The following MBOAT1 variants were observed in gnomAD, a reference collection of about 807,000 sequenced individuals.
MBOAT1 encodes membrane bound glycerophospholipid O-acyltransferase 1.
MBOAT1 carries 67 observed loss-of-function variants against 64.4 expected under a neutral mutation model. The observed-to-expected ratio is 1.04, with a 90% CI of 0.85 to 1.27. MBOAT1 has a LOEUF of 1.27. Among genes scored for constraint, MBOAT1 ranks in the 50% most tolerant of loss-of-function variants. The pLI, the probability that MBOAT1 is intolerant of heterozygous loss-of-function variation, is 0.00. For synonymous variants in MBOAT1, 229 were observed against 218.9 expected, an observed-to-expected ratio of 1.05 and a Z score of -0.41; for missense variants, 563 against 604.6, an observed-to-expected ratio of 0.93 and a Z score of 0.72.
intron 1 of MBOAT1, among the ~76,000 whole-genome samples, chr6:20,155,410 TA>T (rs34919507): frequency 0.23 from 34,391 of 152,102 alleles, 4,418 homozygotes; most frequent in East Asian, 0.43. Context: ...ACGATTAACC[TA>T]AAAGTAATTG....
intron 1 of MBOAT1, among the ~76,000 whole-genome samples, chr6:20,200,817 G>A (rs1189352059): frequency 2.0e-5 from 3 of 152,102 alleles, no homozygotes; most frequent in African/African-American, 7.2e-5. Context: ...TAGGGTGACC[G>A]GTCCCCCACC....
intron 4 of MBOAT1, among the ~76,000 whole-genome samples, chr6:20,133,828 G>GC (rs1342638122): frequency 6.6e-6 from 1 of 152,130 alleles, no homozygotes; most frequent in Non-Finnish European, 1.5e-5. Context: ...ATGTGCTGTG[G>GC]CCGTAGAATG....
chr6:20,159,767 T>C (rs1367143702), intron 1 of MBOAT1, among the ~76,000 whole-genome samples: 2 of 152,204 alleles, frequency 1.3e-5, no homozygotes, highest in African/African-American at 4.8e-5. Context: ...CCTATAAACA[T>C]ATACATTATT....
intron 1 of MBOAT1, among the ~76,000 whole-genome samples, chr6:20,190,408 C>T (rs370734931): frequency 6.5e-4 from 99 of 152,316 alleles, no homozygotes; most frequent in Admixed American, 1.8e-3. Flanking sequence ...GAGAGAGTCA[C>T]GGCCAACATA....
intron 1 of MBOAT1, among the ~76,000 whole-genome samples, chr6:20,160,802 T>C (rs1761831192): frequency 6.6e-6 from 1 of 152,222 alleles, no homozygotes; most frequent in Non-Finnish European, 1.5e-5. Flanking sequence ...TGATTTACTT[T>C]ACACTTTCAA....
intron 12 of MBOAT1, among the ~76,000 whole-genome samples, chr6:20,106,237 G>C (rs1464905652): frequency 6.6e-6 from 1 of 152,162 alleles, no homozygotes; most frequent in Non-Finnish European, 1.5e-5. Context: ...ACTGTTTGAG[G>C]TGTAATCAAT....
chr6:20,102,829 C>T (rs931007637), intron 12 of MBOAT1, among the ~76,000 whole-genome samples: 20 of 152,002 alleles, frequency 1.3e-4, no homozygotes, highest in African/African-American at 4.8e-4. Flanking sequence ...TGATGATGGC[C>T]CCATAAGATT....
At chr6:20,140,530 C>A (rs1462500325) in intron 4 of MBOAT1, among the ~76,000 whole-genome samples, 1 of 152,230 alleles carries the variant, frequency 6.6e-6, no homozygotes, top group Non-Finnish European at 1.5e-5. Flanking sequence ...AGGGCAAGAA[C>A]AGAAAGGCGA....
chr6:20,111,837 C>CATATATATATATATAT (rs1476326103), intron 11 of MBOAT1, among the ~76,000 whole-genome samples: 1 of 92,630 alleles, frequency 1.1e-5, no homozygotes, highest in African/African-American at 3.6e-5. Flanking sequence ...TATATATACA[C>CATATATATATATATAT]ATATATATAC....
intron 9 of MBOAT1, among the ~76,000 whole-genome samples, chr6:20,117,149 A>G (rs1022915432): frequency 3.9e-5 from 6 of 152,172 alleles, no homozygotes; most frequent in African/African-American, 1.4e-4. Context: ...AATAGTAAAA[A>G]CATTATTTGT....
chr6:20,161,734 G>A (rs914057436), intron 1 of MBOAT1, among the ~76,000 whole-genome samples: 2 of 152,110 alleles, frequency 1.3e-5, no homozygotes, highest in East Asian at 3.9e-4. Flanking sequence ...GGTTTCAAAC[G>A]CAGCCTGAGT....
chr6:20,156,368 A>G (rs539097434), intron 1 of MBOAT1, among the ~76,000 whole-genome samples: 1 of 152,172 alleles, frequency 6.6e-6, no homozygotes, highest in East Asian at 1.9e-4. Flanking sequence ...TCAAGACTTC[A>G]TCATGGATTA....
chr6:20,138,711 GA>G (rs1198383293), intron 4 of MBOAT1, among the ~76,000 whole-genome samples: 1 of 152,188 alleles, frequency 6.6e-6, no homozygotes, highest in African/African-American at 2.4e-5. Context: ...AGGATCAGGG[GA>G]CGGTTGTTAA....
rs1015293076 is a variant in MBOAT1, at chr6:20,100,092, G to C, written c.*2194C>G. Among the ~76,000 whole-genome samples, 3 of 152,188 alleles carry C rather than the reference G, an allele frequency of 2.0e-5. No individual in the cohort carries two copies. The highest frequency in any genetic ancestry group is 4.4e-5 in the Non-Finnish European group (3 of 68,028). ...CAATGGCCCCAGCTTGCCCAGGACT[G>C]AGGGCTTGAGAGAGTCCTTGGCAAA... On this transcript the variant is annotated 3_prime_UTR_variant, in exon 13 of 13. Coordinates refer to ENST00000324607, the MANE Select transcript of MBOAT1 (RefSeq NM_001080480.3).
chr6:20,124,682 C>A (rs1581405711), intron 7 of MBOAT1, 82 bp from the exon 8 acceptor site: 1 of 1,282,010 alleles, frequency 7.8e-7, no homozygotes, highest in East Asian at 2.3e-5. Context: ...CTGTTAAGGA[C>A]AACGTTGCTC....
intron 4 of MBOAT1, 30 bp downstream of exon 4, chr6:20,144,190 A>G (rs1188071308): frequency 6.8e-7 from 1 of 1,466,666 alleles, no homozygotes; most frequent in African/African-American, 1.4e-5. Context: ...GTCAGCAGTA[A>G]AACCCCTCTC....
rs1759770255 is a variant in MBOAT1, at chr6:20,100,960, A to G, written c.*1326T>C. ...ACAAAGATAGAAAAGAAAACTTTCA[A>G]TGTCTGCTTTCCAATATGATGATTC... On this transcript the variant is annotated 3_prime_UTR_variant, in exon 13 of 13. Transcript: ENST00000324607. Among the ~76,000 whole-genome samples the G allele has an allele frequency of 1.3e-5, 2 of 152,202 alleles. No individual in the cohort carries two copies. The highest frequency in any genetic ancestry group is 4.8e-5 in the African/African-American group (2 of 41,458).
chr6:20,201,046 A>G (rs1763108007), intron 1 of MBOAT1, among the ~76,000 whole-genome samples: 1 of 152,240 alleles, frequency 6.6e-6, no homozygotes, highest in Admixed American at 6.5e-5. Flanking sequence ...ACAAGAGGTG[A>G]TGAGGATCTC....
chr6:20,152,865 T>G (rs139154168), intron 1 of MBOAT1, 96 bp from the exon 2 acceptor site: 1 of 1,378,016 alleles, frequency 7.3e-7, no homozygotes. Flanking sequence ...CGGAGTCTCG[T>G]TCTGTCGCCC....
Sources: allele counts gnomAD v4.1 joint callset (sites outside exome capture counted in the v4.1 genomes callset), GRCh38; gene constraint gnomAD v4.1.1; transcripts MANE v1.5; gene names NCBI Gene and HGNC (gene_info 2026-07-23, HGNC 2026-07-21).